The following RNF213 variants were observed in gnomAD, a reference collection of about 807,000 sequenced individuals.
RNF213 encodes the protein E3 ubiquitin-protein ligase RNF213.
RNF213 carries 341 observed loss-of-function variants against 514.4 expected under a neutral mutation model. The ratio of observed to expected loss-of-function variants is 0.66; its 90% CI spans 0.61 to 0.73. The LOEUF is 0.73. Among genes scored for constraint, RNF213 ranks in the 30% least tolerant of loss-of-function variants. The pLI, the probability that RNF213 is intolerant of heterozygous loss-of-function variation, is 0.00. For missense variants in RNF213, 5,767 were observed against 6,615.6 expected, an observed-to-expected ratio of 0.87 and a Z score of 4.45; for synonymous variants, 2,655 against 2,658.2, an observed-to-expected ratio of 1.00 and a Z score of 0.04.
At chr17:80,382,790 G>T in intron 57 of RNF213, 189 bp from the exon 58 acceptor site, 1 of 555,456 alleles carries the variant, frequency 1.8e-6, no homozygotes. Flanking sequence ...AGAGATTGAT[G>T]TTATCTTCAA....
At position 80,294,755 on chromosome 17, in the gene RNF213, C is replaced by G; in HGVS notation, c.1507C>G (p.Pro503Ala). 6.2e-7 allele frequency: 1 copy of G among 1,614,080 alleles called. No homozygotes were observed. Among genetic ancestry groups the G allele is most frequent in the Non-Finnish European group, 8.5e-7 (1 of 1,180,046 alleles). Reference sequence around the variant, plus strand: ...GTACTATGACATAGTTTATATGAAGCCTCATGGGAGACTCCAGAAAGTCAT... The same window carrying G: ...GTACTATGACATAGTTTATATGAAGGCTCATGGGAGACTCCAGAAAGTCAT... ...HQYYDIVYMK[P>A]HGRLQKVMNH... is the part of the protein sequence containing the mutation. Residue 503 changes from proline to alanine, a missense_variant, in exon 9 of 68, where the codon CCT becomes GCT. Coordinates refer to ENST00000582970, the MANE Select transcript of RNF213 (RefSeq NM_001256071.3).
At chr17:80,376,676 G>C (rs2144558380) in intron 52 of RNF213, 133 bp downstream of exon 52, 1 of 1,342,508 alleles carries the variant, frequency 7.4e-7, no homozygotes, top group South Asian at 1.2e-5. Context: ...TGTGTCACCT[G>C]ATTCTTGAGC....
At position 80,358,298 on chromosome 17, in the gene RNF213, T is replaced by G; in HGVS notation, c.10873T>G (p.Trp3625Gly). The change falls in exon 37 of 68, where the codon TGG becomes GGG. Residue 3625 changes from tryptophan to glycine, a missense_variant. Around this residue, in one of 13 missense-constraint regions of RNF213, gnomAD observed 919 missense variants for 1,121.0 expected, o/e 0.82. Coordinates refer to ENST00000582970, the MANE Select transcript of RNF213 (RefSeq NM_001256071.3). ...QEAGTFRHTL[W>G]KRVQGAVTPL... Reference sequence around the variant, plus strand: ...TCTTCTGTGCTGCAGGCACACCCTCTGGAAGCGGGTCCAAGGTGCTGTCAC... The same window carrying G: ...TCTTCTGTGCTGCAGGCACACCCTCGGGAAGCGGGTCCAAGGTGCTGTCAC... 6.2e-7 allele frequency: 1 copy of G among 1,614,000 alleles called. No individual in the cohort carries two copies. Among genetic ancestry groups the G allele is most frequent in the South Asian group, 1.1e-5 (1 of 91,076 alleles).
At chr17:80,266,239 C>T (rs1002826034) in intron 2 of RNF213, among the ~76,000 whole-genome samples, 12 of 147,388 alleles carry the variant, frequency 8.1e-5, no homozygotes, top group Admixed American at 2.0e-4. Flanking sequence ...CCCAGGAGTT[C>T]GAGAGCAGCC....
Position 80,327,859 on chromosome 17 carries a change from G to T in RNF213, c.3237G>T (p.Lys1079Asn). Reference sequence around the variant, plus strand: ...TAGCAAATGTCACAGAGGATGCCAAGAGGCTGATAGCTGTTGCCGACTCTG... The same window carrying T: ...TAGCAAATGTCACAGAGGATGCCAATAGGCTGATAGCTGTTGCCGACTCTG... ...KILANVTEDA[K>N]RLIAVADSVL... Residue 1079 changes from lysine (K) to asparagine (N), a missense_variant, in exon 19 of 68, where the codon AAG (lysine) becomes AAT (asparagine). Physicochemically the swap from Lys to Asn is moderately conservative, Grantham distance 94. Around this residue, in one of 13 missense-constraint regions of RNF213, gnomAD observed 516 missense variants for 566.5 expected, o/e 0.91. Transcript: ENST00000582970. 2 of 1,537,232 alleles carry T rather than the reference G, an allele frequency of 1.3e-6. No homozygotes were observed. The highest frequency in any genetic ancestry group is 2.7e-5 in the African/African-American group (2 of 73,178).
intron 17 of RNF213, chr17:80,319,780 C>T (rs1210688026): frequency 3.2e-6 from 4 of 1,253,256 alleles, no homozygotes; most frequent in Non-Finnish European, 4.1e-6. Context: ...AGATTGTGCC[C>T]CCCTGTCTCC....
In RNF213 at chr17:80,354,487, G is replaced by T. The variant is rs1169266064; in HGVS notation, c.10773G>T (p.Lys3591Asn). ...VSKMRLSVFL[K>N]KQEESQFHPL... is the part of the protein sequence containing the mutation. The stretch of plus-strand genomic sequence containing the variant: ...AGATGCGCCTCAGTGTCTTTTTAAA[G>T]AAGCAAGAAGAGAGCCAGTTTCACC... Residue 3591 changes from lysine (K) to asparagine (N), a missense_variant, in exon 36 of 68, where the codon AAG becomes AAT. Physicochemically the swap from Lys to Asn is moderately conservative, Grantham distance 94. Transcript: ENST00000582970. 88 of 1,614,086 alleles carry T rather than the reference G, an allele frequency of 5.5e-5. No individual in the cohort carries two copies. The highest frequency in any genetic ancestry group is 1.6e-4 in the Middle Eastern group (1 of 6,084).
chr17:80,271,051 G>A (rs2043803547), intron 2 of RNF213, among the ~76,000 whole-genome samples: 1 of 152,082 alleles, frequency 6.6e-6, no homozygotes, highest in Admixed American at 6.6e-5. Flanking sequence ...CTAGTGCCAG[G>A]GTAAATATCG....
intron 10 of RNF213, among the ~76,000 whole-genome samples, chr17:80,297,944 C>G (rs980771136): frequency 6.6e-6 from 1 of 152,174 alleles, no homozygotes; most frequent in Non-Finnish European, 1.5e-5. Context: ...GAGACTCTGT[C>G]TCTAAACAAT....
At chr17:80,336,724 T>G in intron 23 of RNF213, 1 of 352,574 alleles carries the variant, frequency 2.8e-6, no homozygotes, top group Non-Finnish European at 5.5e-6. Context: ...ATTGATAGAA[T>G]TTTTTATCAG....
intron 17 of RNF213, chr17:80,319,703 A>T: frequency 1.4e-6 from 2 of 1,427,072 alleles, no homozygotes; most frequent in Non-Finnish European, 9.1e-7. Context: ...CAGAACATTT[A>T]TGGAAGCAAA....
rs528062047 is a variant in RNF213, at chr17:80,290,441, ATGTGTGTG to A, written c.1113-126_1113-119del. ...TGTGTGCGAGTGTGCGCGTGTGTGC[ATGTGTGTG>A]TGCGAGTGCATGTGTGTGTGCACGT... On this transcript the variant is annotated intron_variant, in intron 6 of 67. Coordinates refer to ENST00000582970, the MANE Select transcript of RNF213 (RefSeq NM_001256071.3). 9.1e-6 allele frequency: 10 copies of A among 1,093,252 alleles called. No individual in the cohort carries two copies. In the African/African-American group the frequency reaches 1.5e-4, roughly 17 times the overall value. The allele number at this position is 1,093,252 out of a possible 1,614,324, so 67.7% of individuals were successfully genotyped here.
At chr17:80,300,352 C>T (rs2045131454) in intron 11 of RNF213, among the ~76,000 whole-genome samples, 1 of 151,926 alleles carries the variant, frequency 6.6e-6, no homozygotes, top group African/African-American at 2.4e-5. Flanking sequence ...GCAGCCTCTG[C>T]CTCCTCGGCA....
intron 11 of RNF213, among the ~76,000 whole-genome samples, chr17:80,302,486 TTATG>T (rs2045215365): frequency 6.6e-6 from 1 of 152,230 alleles, no homozygotes; most frequent in African/African-American, 2.4e-5. Flanking sequence ...TTTGTATACA[TTATG>T]TATTGTATAC....
At position 80,307,234 on chromosome 17, in the gene RNF213, ACAT is replaced by A. The variant is rs761695851; in HGVS notation, c.2501+34_2501+36del. The A allele has an allele frequency of 2.0e-5, 32 of 1,606,496 alleles. No individual in the cohort carries two copies. In the Middle Eastern group the frequency reaches 6.6e-4, roughly 33 times the overall value. On this transcript the variant is annotated intron_variant, in intron 13 of 67. Transcript: ENST00000582970. ...GAAAGCACGATGCAGTCTCTCCCTCACATGCGGCCCCCGGGGGCTTCCTCTGAC... is the reference window on the plus strand; with the variant it reads ...GAAAGCACGATGCAGTCTCTCCCTCAGCGGCCCCCGGGGGCTTCCTCTGAC...
At chr17:80,270,465 G>T (rs1284011910) in intron 2 of RNF213, among the ~76,000 whole-genome samples, 1 of 152,190 alleles carries the variant, frequency 6.6e-6, no homozygotes, top group Non-Finnish European at 1.5e-5. Flanking sequence ...CCACTCACTG[G>T]CCGCGTCTCT....
In RNF213 at chr17:80,308,984, T is replaced by C. The variant is rs144391484; in HGVS notation, c.2502-34T>C. 1.6e-3 allele frequency: 2,625 copies of C among 1,612,976 alleles called. 19 individuals carry two copies. The highest frequency in any genetic ancestry group is 0.015 in the African/African-American group (1,117 of 75,024). On this transcript the variant is annotated intron_variant, in intron 13 of 67. Transcript: ENST00000582970. ...CCATTTTCTGGCTTCTCCTAAATCC[T>C]TGCCGGGATTTCTCTTAACTCTTTG...
In RNF213 at chr17:80,363,171, G is replaced by A. The variant is rs773668463; in HGVS notation, c.11425G>A (p.Val3809Ile). ...GGCGTCAGAAGCGCCCGAGGAAGAG[G>A]TTTCCTTACCGTGGGTGCACCTTGC... ...KAASEAPEEE[V>I]SLPWVHLAYQ... The change falls in exon 40 of 68, where the codon GTT becomes ATT. Residue 3809 changes from valine (V) to isoleucine (I), a missense_variant. Physicochemically the swap from Val to Ile is conservative, Grantham distance 29. Around this residue, in one of 13 missense-constraint regions of RNF213, gnomAD observed 355 missense variants for 358.0 expected, o/e 0.99. Coordinates refer to ENST00000582970, the MANE Select transcript of RNF213 (RefSeq NM_001256071.3). 1.2e-5 allele frequency: 20 copies of A among 1,614,224 alleles called. No individual in the cohort carries two copies. In the Middle Eastern group the frequency reaches 1.3e-3, roughly 107 times the overall value.
chr17:80,314,255 GAT>G (rs2045742742), intron 15 of RNF213, among the ~76,000 whole-genome samples: 1 of 106,584 alleles, frequency 9.4e-6, no homozygotes, highest in Non-Finnish European at 1.9e-5. Context: ...TACTGGAGGT[GAT>G]GGTGGTAAAG....
Sources: allele counts gnomAD v4.1 joint callset (sites outside exome capture counted in the v4.1 genomes callset), GRCh38; gene constraint gnomAD v4.1.1; regional missense constraint gnomAD v4.1.1; transcripts MANE v1.5; gene names NCBI Gene and HGNC (gene_info 2026-07-23, HGNC 2026-07-21).